The following TLL1 variants were observed in gnomAD, a reference collection of about 807,000 sequenced individuals.
TLL1 encodes the protein tolloid like 1.
In TLL1, 49 loss-of-function variants were observed where a neutral mutation model predicts 128.2. That is an observed-to-expected ratio of 0.38 (90% CI 0.30 to 0.48). The LOEUF (loss-of-function observed/expected upper bound fraction) is 0.48. TLL1 is among the 20% of genes least tolerant of loss of function. The probability of loss-of-function intolerance (pLI) is 0.96; values close to 1 mark genes in which losing one functional copy is unlikely to be tolerated. For synonymous variants in TLL1, 454 were observed against 418.8 expected, an observed-to-expected ratio of 1.08 and a Z score of -1.03; for missense variants, 1,123 against 1,242.0, an observed-to-expected ratio of 0.90 and a Z score of 1.44.
chr4:165,874,552 AC>A (rs1029604448), intron 1 of TLL1, among the ~76,000 whole-genome samples: 2 of 152,164 alleles, frequency 1.3e-5, no homozygotes, highest in African/African-American at 4.8e-5. Context: ...ACCTGGAGAC[AC>A]CTTGGCTCCC....
intron 1 of TLL1, among the ~76,000 whole-genome samples, chr4:165,970,709 A>G (rs566394168): frequency 3.5e-4 from 54 of 152,344 alleles, no homozygotes; most frequent in Non-Finnish European, 6.8e-4. Context: ...TAATGATTCT[A>G]AAGTCCTTCC....
chr4:166,101,009 T>C lies in TLL1; in HGVS notation c.*133T>C. ...CAAAAAATCCCTGTAAGACCAGAAT[T>C]ATCTTTGTACTAAAAGAGAAGTTTC... On this transcript the variant is annotated 3_prime_UTR_variant, in exon 21 of 21. Coordinates refer to ENST00000061240, the MANE Select transcript of TLL1 (RefSeq NM_012464.5). 1 of 1,182,946 alleles carries C rather than the reference T, an allele frequency of 8.5e-7. No homozygotes were observed. 73.3% of individuals were successfully genotyped at this position (1,182,946 alleles called of 1,614,324 possible). A position where few individuals can be genotyped will look rare whatever the true frequency, so the allele number is the denominator to read the frequency against.
intron 1 of TLL1, among the ~76,000 whole-genome samples, chr4:165,956,482 A>G (rs1734801067): frequency 6.6e-6 from 1 of 152,020 alleles, no homozygotes; most frequent in Non-Finnish European, 1.5e-5. Flanking sequence ...AGAATTTAGC[A>G]ATATCTCTCC....
chr4:165,984,808 C>A (rs1400281858), intron 1 of TLL1, among the ~76,000 whole-genome samples: 2 of 151,756 alleles, frequency 1.3e-5, no homozygotes, highest in Non-Finnish European at 2.9e-5. Context: ...TCACTAAAAT[C>A]AAAAAGGCAC....
At chr4:166,069,686 A>G (rs970929292) in intron 16 of TLL1, among the ~76,000 whole-genome samples, 3 of 151,788 alleles carry the variant, frequency 2.0e-5, no homozygotes, top group African/African-American at 7.2e-5. Context: ...GATTTAAGAA[A>G]TAACATTGAA....
intron 1 of TLL1, among the ~76,000 whole-genome samples, chr4:165,945,530 C>G (rs765916418): frequency 5.3e-5 from 8 of 151,802 alleles, no homozygotes; most frequent in Non-Finnish European, 1.0e-4. Context: ...GGTAAGGGAG[C>G]TATGTACTTG....
At chr4:165,916,212 G>C in intron 1 of TLL1, among the ~76,000 whole-genome samples, 1 of 152,156 alleles carries the variant, frequency 6.6e-6, no homozygotes, top group East Asian at 1.9e-4. Flanking sequence ...CCCACTGAGG[G>C]TGAAGATCTT....
chr4:166,029,839 C>T (rs968241329), intron 9 of TLL1, among the ~76,000 whole-genome samples: 14 of 152,024 alleles, frequency 9.2e-5, no homozygotes, highest in Non-Finnish European at 1.8e-4. Context: ...TTTTTTATGC[C>T]TGAATAATAT....
At chr4:165,879,416 C>A (rs1219105510) in intron 1 of TLL1, among the ~76,000 whole-genome samples, 1 of 152,088 alleles carries the variant, frequency 6.6e-6, no homozygotes, top group East Asian at 1.9e-4. Flanking sequence ...TCTTTGCAAA[C>A]CTTCTTATGG....
Position 166,042,030 on chromosome 4 carries a change from G to T in TLL1, c.1265G>T (p.Arg422Ile). 6.2e-7 allele frequency: 1 copy of T among 1,606,958 alleles called. No homozygotes were observed. Among genetic ancestry groups the T allele is most frequent in the Non-Finnish European group, 8.5e-7 (1 of 1,174,124 alleles). The stretch of plus-strand genomic sequence containing the variant: ...TTTATTCTTTTATTTCTTTTAGGTA[G>T]ATTCTGTGGGGACAAATTGCCTGAA... The part of the protein sequence containing the change: ...GYWRKSPLLG[R>I]FCGDKLPEVL... The change falls in exon 11 of 21, where the codon AGA becomes ATA. Residue 422 changes from arginine to isoleucine, a missense_variant. By Grantham distance (97) the Arg-to-Ile change is moderately conservative (BLOSUM62 -3). Transcript: ENST00000061240.
intron 9 of TLL1, among the ~76,000 whole-genome samples, chr4:166,036,927 T>C (rs530427219): frequency 6.6e-6 from 1 of 151,852 alleles, no homozygotes; most frequent in Non-Finnish European, 1.5e-5. Context: ...TTTAGCTTTA[T>C]TTTTTTTCCT....
At chr4:165,902,653 A>T (rs909488137) in intron 1 of TLL1, among the ~76,000 whole-genome samples, 3 of 152,174 alleles carry the variant, frequency 2.0e-5, no homozygotes, top group Non-Finnish European at 2.9e-5. Flanking sequence ...CTGGAAATGC[A>T]GAAATCACCC....
chr4:166,067,458 C>G (rs1740621111), intron 16 of TLL1, among the ~76,000 whole-genome samples: 1 of 151,556 alleles, frequency 6.6e-6, no homozygotes, highest in Non-Finnish European at 1.5e-5. Context: ...AGCTCTGAAG[C>G]CTTGTGCAGA....
chr4:166,077,261 T>C (rs1741077121), intron 17 of TLL1, among the ~76,000 whole-genome samples: 1 of 151,928 alleles, frequency 6.6e-6, no homozygotes, highest in Non-Finnish European at 1.5e-5. Flanking sequence ...GTAATTATAC[T>C]GATTGAATGA....
chr4:166,098,410 T>C (rs1742127851), intron 19 of TLL1, among the ~76,000 whole-genome samples: 1 of 151,912 alleles, frequency 6.6e-6, no homozygotes, highest in South Asian at 2.1e-4. Flanking sequence ...AAACCTTTTA[T>C]TCTCTAAATT....
intron 9 of TLL1, among the ~76,000 whole-genome samples, chr4:166,027,694 A>G (rs993448442): frequency 6.6e-6 from 1 of 152,214 alleles, no homozygotes; most frequent in Non-Finnish European, 1.5e-5. Flanking sequence ...GAACTTTAAA[A>G]GATACAAATT....
At chr4:166,014,833 G>T (rs1737863263) in intron 8 of TLL1, among the ~76,000 whole-genome samples, 1 of 151,906 alleles carries the variant, frequency 6.6e-6, no homozygotes, top group African/African-American at 2.4e-5. Flanking sequence ...AAAATAGAAT[G>T]GTTGCTTGAT....
At chr4:166,081,518 A>G (rs914628760) in intron 18 of TLL1, among the ~76,000 whole-genome samples, 14 of 152,134 alleles carry the variant, frequency 9.2e-5, no homozygotes, top group African/African-American at 3.1e-4. Context: ...CTCCCCTCGT[A>G]TCTGCAGTTT....
chr4:165,968,040 G>A (rs1735470260), intron 1 of TLL1, among the ~76,000 whole-genome samples: 1 of 152,006 alleles, frequency 6.6e-6, no homozygotes. Context: ...CTTTACAAGG[G>A]GCGAACCACC....
Sources: allele counts gnomAD v4.1 joint callset (sites outside exome capture counted in the v4.1 genomes callset), GRCh38; gene constraint gnomAD v4.1.1; transcripts MANE v1.5; gene names NCBI Gene and HGNC (gene_info 2026-07-23, HGNC 2026-07-21).